Variants in GARRE1 observed in about 807,000 individuals in gnomAD.
GARRE1 encodes the protein granule associated Rac and RHOG effector protein 1.
In GARRE1, 49 loss-of-function variants were observed where a neutral mutation model predicts 103.2. That is an observed-to-expected ratio of 0.47 (90% CI 0.38 to 0.60). GARRE1 has a LOEUF of 0.60. Ranked by LOEUF, GARRE1 falls within the 20% of genes least tolerant of loss-of-function variation. The pLI is 0.00. For synonymous variants in GARRE1, 505 were observed against 532.8 expected (o/e 0.95, Z 0.72); for missense variants, 1,199 against 1,370.5 (o/e 0.87, Z 1.98).
chr19:34,331,851 C>T (rs1435149938), intron 7 of GARRE1, among the ~76,000 whole-genome samples: 3 of 152,026 alleles, frequency 2.0e-5, no homozygotes, highest in Admixed American at 6.6e-5. Flanking sequence ...ATTATCCAGG[C>T]GTGGTGGCGG....
At chr19:34,264,823 G>T (rs1287452631) in intron 1 of GARRE1, among the ~76,000 whole-genome samples, 1 of 152,196 alleles carries the variant, frequency 6.6e-6, no homozygotes, top group Non-Finnish European at 1.5e-5. Context: ...GAATGGCTAT[G>T]AGGTGTTCTG....
In GARRE1 at chr19:34,274,833, T is replaced by G. The variant is rs183321861; in HGVS notation, c.-796+20219T>G. ...TACAGAGTTGCTTCACTTTGTAATG[T>G]GGTAACAGATAGAGGGAGCTAAAAA... On this transcript the variant is annotated intron_variant, in intron 1 of 13. Transcript: ENST00000299505. Among the ~76,000 whole-genome samples, 28 of 152,286 alleles carry G rather than the reference T, an allele frequency of 1.8e-4. 1 individual carries two copies. Among genetic ancestry groups the G allele is most frequent in the Admixed American group, 9.2e-4 (14 of 15,284 alleles).
Position 34,351,530 on chromosome 19 carries a change from G to C in GARRE1, c.2842G>C (p.Glu948Gln). Reference protein sequence around the residue: ...VKQRRKHSSGEQDTSTLPSPP... With the variant: ...VKQRRKHSSGQQDTSTLPSPP... The stretch of plus-strand genomic sequence containing the variant: ...TTCTTGCAGGAAACACAGCAGTGGA[G>C]AGCAAGACACCAGCACGCTGCCCTC... The change falls in exon 13 of 14, where the codon GAG (glutamate) becomes CAG (glutamine). Residue 948 changes from glutamate to glutamine, a missense_variant. By Grantham distance (29) the Glu-to-Gln change is conservative. Coordinates refer to ENST00000299505, the MANE Select transcript of GARRE1 (RefSeq NM_014686.5). 6.2e-7 allele frequency: 1 copy of C among 1,613,954 alleles called. No individual in the cohort carries two copies. The highest frequency in any genetic ancestry group is 8.5e-7 in the Non-Finnish European group (1 of 1,179,902).
At chr19:34,348,080 C>A in intron 11 of GARRE1, 38 bp downstream of exon 11, 1 of 1,383,280 alleles carries the variant, frequency 7.2e-7, no homozygotes, top group South Asian at 1.8e-5. Flanking sequence ...GAGCTTGAGA[C>A]CCAGGTGTCC....
intron 10 of GARRE1, among the ~76,000 whole-genome samples, chr19:34,346,819 T>C (rs532818460): frequency 1.6e-3 from 242 of 152,230 alleles, no homozygotes; most frequent in Non-Finnish European, 2.6e-3. Flanking sequence ...GGTTTCACCA[T>C]GTTGGCCTGG....
In GARRE1 at chr19:34,349,107, T is replaced by TC. The variant is rs34800448; in HGVS notation, c.2781dup (p.Met928HisfsTer6). 1 of 1,612,954 alleles carries TC rather than the reference T, an allele frequency of 6.2e-7. No homozygotes were observed. The highest frequency in any genetic ancestry group is 8.5e-7 in the Non-Finnish European group (1 of 1,180,016). ...CTCAGCCAACGGGGACAGCTTGTTCTCCATGTTTTCAGGGCCTGACCTCGT... is the reference window on the plus strand; with the variant it reads ...CTCAGCCAACGGGGACAGCTTGTTCTCCCATGTTTTCAGGGCCTGACCTCGT... On this transcript the variant is annotated frameshift_variant, in exon 12 of 14. Transcript: ENST00000299505. LOFTEE classifies it high-confidence loss of function.
intron 7 of GARRE1, among the ~76,000 whole-genome samples, chr19:34,331,823 G>A (rs531598698): frequency 2.4e-4 from 36 of 151,874 alleles, no homozygotes; most frequent in Non-Finnish European, 1.2e-4. Context: ...GCGAAACCTC[G>A]TCTCTAAAAA....
At chr19:34,270,060 G>A (rs1035646386) in intron 1 of GARRE1, among the ~76,000 whole-genome samples, 1 of 152,114 alleles carries the variant, frequency 6.6e-6, no homozygotes, top group Non-Finnish European at 1.5e-5. Flanking sequence ...CTCCCTGCTC[G>A]GTGATTTGTG....
chr19:34,351,387 C>A (rs2074236071), intron 12 of GARRE1, 127 bp from the exon 13 acceptor site: 1 of 713,044 alleles, frequency 1.4e-6, no homozygotes, highest in Non-Finnish European at 2.5e-6. Flanking sequence ...GCCATTGACC[C>A]AGGCAGGCCT....
intron 1 of GARRE1, among the ~76,000 whole-genome samples, chr19:34,294,744 G>A (rs113211278): frequency 0.01 from 1,521 of 151,998 alleles, 33 homozygotes; most frequent in African/African-American, 0.035. Context: ...TCTCTCTGTC[G>A]CCCAGGCTGG....
Position 34,309,158 on chromosome 19 carries a change from C to T in GARRE1, c.495+8190C>T, listed in dbSNP as rs148997152. 8.3e-4 allele frequency among the ~76,000 whole-genome samples: 126 copies of T among 151,754 alleles called. No individual in the cohort carries two copies. In the East Asian group the frequency reaches 8.5e-3, roughly 10 times the overall value. On this transcript the variant is annotated intron_variant, in intron 2 of 13. Coordinates refer to ENST00000299505, the MANE Select transcript of GARRE1 (RefSeq NM_014686.5). ...CTACAGGAAATGTGGGGTGTAGTGA[C>T]GCAAGTTATGCAATACCACGAGAAG...
chr19:34,255,148 G>A (rs1282841483), intron 1 of GARRE1, among the ~76,000 whole-genome samples: 1 of 150,024 alleles, frequency 6.7e-6, no homozygotes, highest in Non-Finnish European at 1.5e-5. Context: ...GCGCTTTTCC[G>A]GCCCTGCGGA....
chr19:34,276,442 A>G (rs562809097), intron 1 of GARRE1, among the ~76,000 whole-genome samples: 152 of 152,312 alleles, frequency 1.0e-3, no homozygotes, highest in Admixed American at 2.1e-3. Context: ...GAAATGAGGG[A>G]AAAAGAGTGT....
At chr19:34,329,782 G>A (rs1183472836) in intron 6 of GARRE1, among the ~76,000 whole-genome samples, 1 of 151,946 alleles carries the variant, frequency 6.6e-6, no homozygotes, top group African/African-American at 2.4e-5. Flanking sequence ...GTTGCAGTGA[G>A]CTGAGATTGT....
At chr19:34,298,583 G>A (rs562860003) in intron 1 of GARRE1, among the ~76,000 whole-genome samples, 105 of 151,616 alleles carry the variant, frequency 6.9e-4, no homozygotes, top group African/African-American at 2.4e-3. Context: ...CATGGTGGGC[G>A]CTTGTAATCC....
intron 11 of GARRE1, chr19:34,348,796 A>G (rs1397915502): frequency 7.3e-6 from 4 of 547,808 alleles, no homozygotes; most frequent in African/African-American, 3.8e-5. Context: ...AATTTCATAT[A>G]CAAACCATAG....
At position 34,330,267 on chromosome 19, in the gene GARRE1, G is replaced by T; in HGVS notation, c.1183G>T (p.Val395Leu). Residue 395 changes from valine to leucine, a missense_variant, in exon 7 of 14, where the codon GTG becomes TTG. Coordinates refer to ENST00000299505, the MANE Select transcript of GARRE1 (RefSeq NM_014686.5). ...CAGGGATGATTTTCCTGTGACTGAAGTGCTGAACCAGGTTTGCCCTTCCAC... is the reference window on the plus strand; with the variant it reads ...CAGGGATGATTTTCCTGTGACTGAATTGCTGAACCAGGTTTGCCCTTCCAC... Reference protein sequence around the residue: ...TSRDDFPVTEVLNQVCPSTWR... With the variant: ...TSRDDFPVTELLNQVCPSTWR... 6.2e-7 allele frequency: 1 copy of T among 1,614,226 alleles called. No homozygotes were observed. The highest frequency in any genetic ancestry group is 8.5e-7 in the Non-Finnish European group (1 of 1,180,034).
At chr19:34,254,662 C>G (rs1260325498) in intron 1 of GARRE1, 48 bp downstream of exon 1, 2 of 100,590 alleles carry the variant, frequency 2.0e-5, no homozygotes, top group Admixed American at 2.0e-4. Flanking sequence ...CGGGCGGGGT[C>G]GGGCGGTGGG....
chr19:34,323,348 T>G (rs1326165882), intron 3 of GARRE1, among the ~76,000 whole-genome samples: 1 of 152,190 alleles, frequency 6.6e-6, no homozygotes, highest in African/African-American at 2.4e-5. Context: ...TCATTTTATG[T>G]TTTGGAAATT....
Sources: gnomAD v4.1 joint callset for allele counts (sites outside exome capture counted in the v4.1 genomes callset) on GRCh38, gnomAD v4.1.1 for gene constraint, MANE v1.5 for transcripts, NCBI Gene and HGNC (gene_info 2026-07-23, HGNC 2026-07-21) for gene names.